Variants in AIG1 observed in about 807,000 individuals in gnomAD.
The protein encoded by AIG1 is androgen-induced gene 1 protein.
A neutral mutation model predicts 31.4 loss-of-function variants in AIG1; 23 were observed. The observed-to-expected ratio is 0.73, with a 90% CI of 0.53 to 1.04. The LOEUF (loss-of-function observed/expected upper bound fraction) is 1.04. AIG1 is among the 50% of genes least tolerant of loss of function. The probability of loss-of-function intolerance (pLI) is 0.00; values close to 1 mark genes in which losing one functional copy is unlikely to be tolerated. For synonymous variants in AIG1, 100 were observed against 110.5 expected, an observed-to-expected ratio of 0.90 and a Z score of 0.60; for missense variants, 274 against 295.0, an observed-to-expected ratio of 0.93 and a Z score of 0.52.
At chr6:143,257,640 C>G (rs1264175818) in intron 3 of AIG1, among the ~76,000 whole-genome samples, 1 of 152,172 alleles carries the variant, frequency 6.6e-6, no homozygotes, top group African/African-American at 2.4e-5. Context: ...ATTTCCAACC[C>G]TAAATGGCTC....
At chr6:143,111,502 G>A (rs1781273988) in intron 1 of AIG1, among the ~76,000 whole-genome samples, 1 of 152,104 alleles carries the variant, frequency 6.6e-6, no homozygotes, top group Non-Finnish European at 1.5e-5. Context: ...CACATGGCCT[G>A]CTTCAGACTC....
rs575151747 is a variant in AIG1 at position 143,303,982 on chromosome 6, G to A, written c.515+19757G>A. On this transcript the variant is annotated intron_variant, in intron 4 of 5. Transcript: ENST00000357847. ...GATTCCTAGGTATTTTATTCTCTTT[G>A]AAGCAATTGTGAATGGGAGTTCACT... Among the ~76,000 whole-genome samples, 15 of 146,576 alleles carry A rather than the reference G, an allele frequency of 1.0e-4. No individual in the cohort carries two copies. In the South Asian group the frequency reaches 3.4e-3, roughly 33 times the overall value.
chr6:143,209,438 G>A (rs149699749), intron 3 of AIG1, among the ~76,000 whole-genome samples: 355 of 152,274 alleles, frequency 2.3e-3, no homozygotes, highest in African/African-American at 8.3e-3. Context: ...ATTATCTCAG[G>A]GGGCCTATTG....
At chr6:143,149,330 T>A (rs1003973031) in intron 2 of AIG1, among the ~76,000 whole-genome samples, 5 of 151,722 alleles carry the variant, frequency 3.3e-5, no homozygotes, top group Non-Finnish European at 7.4e-5. Flanking sequence ...ATCGAGACCA[T>A]CCTGGCTAAC....
intron 1 of AIG1, 51 bp downstream of exon 1, chr6:143,061,117 C>A: frequency 1.4e-6 from 2 of 1,409,234 alleles, no homozygotes; most frequent in Non-Finnish European, 9.8e-7. Context: ...CCTGTGTGTG[C>A]GTGTGTGTGT....
chr6:143,061,236 T>C (rs1180870358), intron 1 of AIG1, 170 bp downstream of exon 1: 1 of 845,764 alleles, frequency 1.2e-6, no homozygotes, highest in Non-Finnish European at 2.0e-6. Flanking sequence ...AAGGCCTGGC[T>C]GCCCCCGCAG....
chr6:143,092,057 C>A (rs1047425724), intron 1 of AIG1, among the ~76,000 whole-genome samples: 10 of 152,074 alleles, frequency 6.6e-5, no homozygotes, highest in Non-Finnish European at 1.5e-4. Context: ...TTGCCCAGAT[C>A]CATCAGAGGA....
At position 143,284,156 on chromosome 6, in the gene AIG1, A is replaced by G. The variant is rs1418567659; in HGVS notation, c.446A>G (p.His149Arg). 3.1e-6 allele frequency: 5 copies of G among 1,614,002 alleles called. No individual in the cohort carries two copies. Among genetic ancestry groups the G allele is most frequent in the Non-Finnish European group, 4.2e-6 (5 of 1,180,006 alleles). ...ATATTAATCGAGATGAGGACATCGCACCATCAGTATCCCAGCAGGAGCAGC... is the reference window on the plus strand; with the variant it reads ...ATATTAATCGAGATGAGGACATCGCGCCATCAGTATCCCAGCAGGAGCAGC... ...PFILIEMRTS[H>R]HQYPSRSSGL... The change falls in exon 4 of 6, where the codon CAC (histidine) becomes CGC (arginine). Residue 149 changes from histidine to arginine, a missense_variant. Transcript: ENST00000357847. This position sits in a 1 kb window ranked among gnomAD's most constrained non-coding sequence, Gnocchi z 4.4.
At chr6:143,085,826 G>A (rs9373372) in intron 1 of AIG1, among the ~76,000 whole-genome samples, 19,734 of 152,178 alleles carry the variant, frequency 0.13, 3,811 homozygotes, top group African/African-American at 0.42. Context: ...GGTGCCATCT[G>A]TCCTCCTGTC....
At chr6:143,153,974 G>C (rs1785484075) in intron 2 of AIG1, among the ~76,000 whole-genome samples, 1 of 151,444 alleles carries the variant, frequency 6.6e-6, no homozygotes, top group Admixed American at 6.6e-5. Context: ...AAAGTGGCCA[G>C]GTGTGGTGGT....
chr6:143,212,436 A>C (rs549138913), intron 3 of AIG1, among the ~76,000 whole-genome samples: 1 of 152,264 alleles, frequency 6.6e-6, no homozygotes, highest in South Asian at 2.1e-4. Flanking sequence ...TCAGGACTTC[A>C]AGCTCCCTCT....
In AIG1 at chr6:143,229,784, C is replaced by CAAAA. The variant is rs751464049; in HGVS notation, c.400-54309_400-54306dup. Among the ~76,000 whole-genome samples, 187 of 80,658 alleles carry CAAAA rather than the reference C, an allele frequency of 2.3e-3. 2 individuals carry two copies. Among genetic ancestry groups the CAAAA allele is most frequent in the South Asian group, 4.3e-3 (11 of 2,578 alleles). 52.9% of individuals were successfully genotyped at this position (80,658 alleles called of 152,430 possible). On this transcript the variant is annotated intron_variant, in intron 3 of 5. Transcript: ENST00000357847. ...GCCTCTCGTTTCTGGACTCTCAGAACAAAAAAAAAAAAAAAAAAAAGGATC... is the reference window on the plus strand; with the variant it reads ...GCCTCTCGTTTCTGGACTCTCAGAACAAAAAAAAAAAAAAAAAAAAAAAAGGATC...
Position 143,216,104 on chromosome 6 carries a change from C to G in AIG1, c.399+50921C>G, listed in dbSNP as rs144916922. Among the ~76,000 whole-genome samples, 100 of 152,314 alleles carry G rather than the reference C, an allele frequency of 6.6e-4. 1 individual carries two copies. Among genetic ancestry groups the G allele is most frequent in the African/African-American group, 2.1e-3 (89 of 41,566 alleles). ...CTAAATCTCACCCTAATGAACACAT[C>G]TTATTGGTGAGATGAAACTTTTGAT... On this transcript the variant is annotated intron_variant, in intron 3 of 5. Transcript: ENST00000357847.
At chr6:143,308,786 A>C (rs1367068011) in intron 4 of AIG1, among the ~76,000 whole-genome samples, 6 of 152,206 alleles carry the variant, frequency 3.9e-5, no homozygotes, top group Non-Finnish European at 7.3e-5. Flanking sequence ...AACATTTATG[A>C]ATGAGTACGC....
intron 3 of AIG1, among the ~76,000 whole-genome samples, chr6:143,264,363 A>G (rs778337557): frequency 3.3e-5 from 5 of 152,100 alleles, no homozygotes; most frequent in Admixed American, 2.0e-4. Context: ...ACCAAATTGC[A>G]TTTTAAGATC....
intron 3 of AIG1, among the ~76,000 whole-genome samples, chr6:143,239,613 A>G (rs574051960): frequency 4.6e-5 from 7 of 152,146 alleles, no homozygotes; most frequent in African/African-American, 1.4e-4. Context: ...TTCCACATCC[A>G]TGTTTATAAG....
At chr6:143,242,159 G>T (rs979235921) in intron 3 of AIG1, among the ~76,000 whole-genome samples, 1 of 152,136 alleles carries the variant, frequency 6.6e-6, no homozygotes, top group Non-Finnish European at 1.5e-5. Flanking sequence ...GCAATGTAAG[G>T]AGAAGTTATC....
chr6:143,271,252 T>A (rs749576178), intron 3 of AIG1, among the ~76,000 whole-genome samples: 17 of 152,186 alleles, frequency 1.1e-4, no homozygotes, highest in Non-Finnish European at 2.1e-4. Context: ...GAAAAACATG[T>A]CATGACAGTA....
intron 1 of AIG1, among the ~76,000 whole-genome samples, chr6:143,066,250 C>A (rs1776693420): frequency 6.6e-6 from 1 of 152,002 alleles, no homozygotes; most frequent in South Asian, 2.1e-4. Flanking sequence ...CCCTGTAGAG[C>A]AGTCTTAATA....
Sources: gnomAD v4.1 joint callset for allele counts (sites outside exome capture counted in the v4.1 genomes callset) on GRCh38, gnomAD v4.1.1 for gene constraint, Gnocchi (gnomAD v3.1) non-coding constraint, MANE v1.5 for transcripts, NCBI Gene and HGNC (gene_info 2026-07-23, HGNC 2026-07-21) for gene names.